CFAP299: variants seen among roughly 807,000 people sequenced by gnomAD.
CFAP299 encodes the protein cilia and flagella associated protein 299.
Under a neutral mutation model 27.0 loss-of-function variants are expected in CFAP299, and 21 were observed. The ratio of observed to expected loss-of-function variants is 0.78; its 90% CI spans 0.55 to 1.12. CFAP299 has a LOEUF of 1.12. Among genes scored for constraint, CFAP299 ranks in the 50% most tolerant of loss-of-function variants. The pLI, the probability that CFAP299 is intolerant of heterozygous loss-of-function variation, is 0.00. For synonymous variants in CFAP299, 104 were observed against 98.1 expected (o/e 1.06, Z -0.36); for missense variants, 310 against 276.6 (o/e 1.12, Z -0.86).
intron 3 of CFAP299, among the ~76,000 whole-genome samples, chr4:80,736,477 A>C (rs1578074184): frequency 6.6e-6 from 1 of 152,228 alleles, no homozygotes; most frequent in East Asian, 1.9e-4. Flanking sequence ...GAAAAAAAAA[A>C]CAACCCCATC....
intron 2 of CFAP299, among the ~76,000 whole-genome samples, chr4:80,460,337 C>G (rs1263867188): frequency 2.0e-5 from 3 of 152,158 alleles, no homozygotes; most frequent in South Asian, 4.1e-4. Flanking sequence ...AGATGCAAAT[C>G]TTCACAAAAG....
chr4:80,725,345 A>AT (rs954361728), intron 3 of CFAP299, among the ~76,000 whole-genome samples: 5 of 151,582 alleles, frequency 3.3e-5, no homozygotes, highest in Non-Finnish European at 5.9e-5. Context: ...TAAAATTTCT[A>AT]TTTTTTTCTT....
At chr4:80,605,264 A>G (rs1388177688) in intron 3 of CFAP299, among the ~76,000 whole-genome samples, 1 of 152,196 alleles carries the variant, frequency 6.6e-6, no homozygotes, top group African/African-American at 2.4e-5. Context: ...CTTTTGAACA[A>G]CATTTAGTTT....
intron 3 of CFAP299, among the ~76,000 whole-genome samples, chr4:80,845,281 T>TTG (rs200096899): frequency 1.5e-5 from 2 of 131,854 alleles, no homozygotes; most frequent in Non-Finnish European, 1.6e-5. Flanking sequence ...CCCACACTGT[T>TTG]TTTTTTTTTT....
At chr4:80,786,534 A>G (rs1727252506) in intron 3 of CFAP299, among the ~76,000 whole-genome samples, 1 of 152,290 alleles carries the variant, frequency 6.6e-6, no homozygotes, top group Admixed American at 6.6e-5. Flanking sequence ...GTGAATATTA[A>G]TAAAAGTTTG....
intron 3 of CFAP299, among the ~76,000 whole-genome samples, chr4:80,729,731 C>T (rs562798818): frequency 6.6e-6 from 1 of 151,238 alleles, no homozygotes; most frequent in South Asian, 2.1e-4. Context: ...TCCCGAGTAG[C>T]TGGGACTACA....
chr4:80,721,177 A>G (rs1022811886), intron 3 of CFAP299, among the ~76,000 whole-genome samples: 1 of 152,200 alleles, frequency 6.6e-6, no homozygotes, highest in African/African-American at 2.4e-5. Flanking sequence ...AGACAGAATA[A>G]AAGAAGAAAT....
intron 2 of CFAP299, among the ~76,000 whole-genome samples, chr4:80,368,929 G>A (rs1002398598): frequency 3.6e-5 from 5 of 140,182 alleles, no homozygotes; most frequent in African/African-American, 1.4e-4. Context: ...GTGAGAATTA[G>A]GAGTGCACAA....
chr4:80,519,981 T>C (rs140891625), intron 2 of CFAP299, among the ~76,000 whole-genome samples: 1 of 152,164 alleles, frequency 6.6e-6, no homozygotes, highest in African/African-American at 2.4e-5. Flanking sequence ...AAGGTCAGGA[T>C]GGGCTAGGAC....
At chr4:80,683,249 T>C (rs1719958591) in intron 3 of CFAP299, among the ~76,000 whole-genome samples, 1 of 152,186 alleles carries the variant, frequency 6.6e-6, no homozygotes, top group Non-Finnish European at 1.5e-5. Context: ...TCAGAAGGCA[T>C]CCCCATACGT....
chr4:80,830,686 C>A (rs1415512052), intron 3 of CFAP299, among the ~76,000 whole-genome samples: 2 of 151,878 alleles, frequency 1.3e-5, no homozygotes, highest in East Asian at 1.9e-4. Context: ...TGGCAGCAGG[C>A]AGAACAAGTG....
chr4:80,570,527 C>A (rs1735532942), intron 2 of CFAP299, among the ~76,000 whole-genome samples: 1 of 151,922 alleles, frequency 6.6e-6, no homozygotes, highest in African/African-American at 2.4e-5. Context: ...TAGGAAAATG[C>A]AAATTAAAAG....
intron 2 of CFAP299, among the ~76,000 whole-genome samples, chr4:80,575,295 A>G (rs974743937): frequency 6.6e-6 from 1 of 151,844 alleles, no homozygotes; most frequent in East Asian, 1.9e-4. Flanking sequence ...TTTCTGCAGT[A>G]TCAGTTATAA....
intron 3 of CFAP299, among the ~76,000 whole-genome samples, chr4:80,595,621 A>G (rs989695512): frequency 3.9e-5 from 6 of 152,206 alleles, no homozygotes; most frequent in African/African-American, 1.4e-4. Flanking sequence ...ATAAAATGAC[A>G]TCTCATTTAG....
intron 2 of CFAP299, among the ~76,000 whole-genome samples, chr4:80,396,199 G>C (rs1454246126): frequency 2.0e-5 from 3 of 152,102 alleles, no homozygotes; most frequent in African/African-American, 7.2e-5. Context: ...TTTGGTCTAA[G>C]GGAAGGGTGA....
In CFAP299 at chr4:80,536,141, G is replaced by A. The variant is rs145403528; in HGVS notation, c.243-46952G>A. Among the ~76,000 whole-genome samples the A allele has an allele frequency of 5.0e-3, 764 of 152,244 alleles. 4 individuals are homozygous for A. The highest frequency in any genetic ancestry group is 0.017 in the Middle Eastern group (5 of 294). On this transcript the variant is annotated intron_variant, in intron 2 of 5. Coordinates refer to ENST00000358105, the MANE Select transcript of CFAP299 (RefSeq NM_152770.3). ...GAGAAGCAGTGGGTGGTAGTTATAT[G>A]GTGGATATTTCACCTCAGTGAAGGA... is the stretch of plus-strand genomic sequence containing the variant.
chr4:80,889,702 G>T (rs1369322304), intron 4 of CFAP299, among the ~76,000 whole-genome samples: 4 of 151,996 alleles, frequency 2.6e-5, no homozygotes, highest in African/African-American at 9.7e-5. Context: ...TATCTCTGAT[G>T]AATATAAATA....
At chr4:80,429,333 A>G (rs1462507683) in intron 2 of CFAP299, among the ~76,000 whole-genome samples, 1 of 152,198 alleles carries the variant, frequency 6.6e-6, no homozygotes, top group East Asian at 1.9e-4. Flanking sequence ...TTTTACTTGT[A>G]TCATTGAGAA....
intron 5 of CFAP299, among the ~76,000 whole-genome samples, chr4:80,945,436 AC>A (rs1298001018): frequency 6.6e-6 from 1 of 152,240 alleles, no homozygotes; most frequent in Non-Finnish European, 1.5e-5. Flanking sequence ...TATTTTAAAG[AC>A]ATGTCTCATG....
Sources: gnomAD v4.1 joint callset for allele counts (sites outside exome capture counted in the v4.1 genomes callset) on GRCh38, gnomAD v4.1.1 for gene constraint, MANE v1.5 for transcripts, NCBI Gene and HGNC (gene_info 2026-07-23, HGNC 2026-07-21) for gene names.